The following LRFN5 variants were observed in gnomAD, a reference collection of about 807,000 sequenced individuals.
The protein encoded by LRFN5 is leucine-rich repeat and fibronectin type-III domain-containing protein 5.
LRFN5 carries 24 observed loss-of-function variants against 45.6 expected under a neutral mutation model. The ratio of observed to expected loss-of-function variants is 0.53; its 90% CI spans 0.38 to 0.74. LRFN5 has a LOEUF of 0.74. Ranked by LOEUF, LRFN5 falls within the 30% of genes least tolerant of loss-of-function variation. LRFN5 has a pLI of 0.00. For missense variants in LRFN5, 776 were observed against 861.5 expected (o/e 0.90, Z 1.24); for synonymous variants, 340 against 313.8 (o/e 1.08, Z -0.88).
intron 1 of LRFN5, among the ~76,000 whole-genome samples, chr14:41,693,659 C>T (rs1023074736): frequency 3.3e-5 from 5 of 151,786 alleles, no homozygotes; most frequent in African/African-American, 1.2e-4. Context: ...ACTTTGTATT[C>T]TGTGATTTTT....
At chr14:41,717,884 A>G (rs1395187613) in intron 1 of LRFN5, among the ~76,000 whole-genome samples, 2 of 152,276 alleles carry the variant, frequency 1.3e-5, no homozygotes, top group East Asian at 1.9e-4. Context: ...GCCAAAAGTT[A>G]CTAGACAGGT....
At chr14:41,697,969 A>C (rs562999986) in intron 1 of LRFN5, among the ~76,000 whole-genome samples, 2 of 152,084 alleles carry the variant, frequency 1.3e-5, no homozygotes, top group East Asian at 3.9e-4. Flanking sequence ...ATCAGTCAGG[A>C]GATTGGTACA....
In LRFN5 at chr14:41,781,593, AAAG is replaced by A. The variant is rs1428748628; in HGVS notation, c.-21+14567_-21+14569del. ...GAAAGAAAGAAAGAAAGAAAGAAAG[AAAG>A]AAAGAAAGAAAGAAAGAAAGAGAAA... On this transcript the variant is annotated intron_variant, in intron 2 of 5. Transcript: ENST00000298119. Among the ~76,000 whole-genome samples, 9 of 103,900 alleles carry A rather than the reference AAAG, an allele frequency of 8.7e-5. 1 individual carries two copies. The highest frequency in any genetic ancestry group is 1.8e-4 in the Non-Finnish European group (9 of 50,296). 68.2% of individuals were successfully genotyped at this position (103,900 alleles called of 152,430 possible). A position where few individuals can be genotyped will look rare whatever the true frequency, so the allele number is the denominator to read the frequency against.
At chr14:41,837,067 T>G (rs906523633) in intron 2 of LRFN5, among the ~76,000 whole-genome samples, 13 of 151,736 alleles carry the variant, frequency 8.6e-5, no homozygotes, top group African/African-American at 3.1e-4. Flanking sequence ...GGAAAGAAGG[T>G]CAAGCCAGAA....
chr14:41,790,894 C>G (rs1886896862), intron 2 of LRFN5, among the ~76,000 whole-genome samples: 1 of 151,668 alleles, frequency 6.6e-6, no homozygotes, highest in Non-Finnish European at 1.5e-5. Flanking sequence ...GCATTATGCA[C>G]TATACATTCA....
intron 2 of LRFN5, among the ~76,000 whole-genome samples, chr14:41,774,371 C>G (rs997204232): frequency 1.3e-5 from 2 of 152,138 alleles, no homozygotes; most frequent in Non-Finnish European, 2.9e-5. Context: ...TGAGGCATCT[C>G]TTATCAATAT....
rs370105187 is a variant in LRFN5, at chr14:41,831,875, G to A, written c.-20-54731G>A. Among the ~76,000 whole-genome samples, 62 of 152,212 alleles carry A rather than the reference G, an allele frequency of 4.1e-4. 2 individuals carry two copies. The East Asian group carries it at 8.7e-3, about 21-fold the overall frequency. ...CAATTCTGGAGGCTAGGAAGTTCAA[G>A]ATCAAGGTGCCCACAAGTTCAGTTC... On this transcript the variant is annotated intron_variant, in intron 2 of 5. Coordinates refer to ENST00000298119, the MANE Select transcript of LRFN5 (RefSeq NM_152447.5).
chr14:41,870,894 A>C (rs1404508798), intron 2 of LRFN5, among the ~76,000 whole-genome samples: 1 of 152,168 alleles, frequency 6.6e-6, no homozygotes, highest in Non-Finnish European at 1.5e-5. Flanking sequence ...ATGTTTTATT[A>C]TTATTTTTAA....
rs1365152030 is a variant in LRFN5 at position 41,840,802 on chromosome 14, A to G, written c.-20-45804A>G. On this transcript the variant is annotated intron_variant, in intron 2 of 5. Transcript: ENST00000298119. ...ATTTTTATCCAGTTAGCTCCTGTTGATATTAAATGATTTAATAATGTGGTA... is the reference window on the plus strand; with the variant it reads ...ATTTTTATCCAGTTAGCTCCTGTTGGTATTAAATGATTTAATAATGTGGTA... 3.9e-5 allele frequency among the ~76,000 whole-genome samples: 6 copies of G among 152,022 alleles called. No individual in the cohort carries two copies. The East Asian group carries it at 1.2e-3, about 29-fold the overall frequency.
chr14:41,712,436 C>T (rs764822559), intron 1 of LRFN5, among the ~76,000 whole-genome samples: 4 of 152,018 alleles, frequency 2.6e-5, no homozygotes, highest in African/African-American at 7.2e-5. Flanking sequence ...AAAGGTAAAA[C>T]GTTCTGAATT....
chr14:41,857,692 C>T (rs1889520046), intron 2 of LRFN5, among the ~76,000 whole-genome samples: 1 of 152,210 alleles, frequency 6.6e-6, no homozygotes, highest in Non-Finnish European at 1.5e-5. Flanking sequence ...GTTCATCACA[C>T]AATTTGGAGA....
chr14:41,839,825 T>A (rs1270855658), intron 2 of LRFN5, among the ~76,000 whole-genome samples: 2 of 152,082 alleles, frequency 1.3e-5, no homozygotes, highest in Non-Finnish European at 2.9e-5. Context: ...CTAATTCAAT[T>A]TCTAACCAGC....
intron 2 of LRFN5, among the ~76,000 whole-genome samples, chr14:41,867,350 A>G (rs1889874895): frequency 6.7e-6 from 1 of 148,914 alleles, no homozygotes; most frequent in African/African-American, 2.4e-5. Flanking sequence ...ATATGCACAC[A>G]TCTGTGTGTG....
At chr14:41,883,649 G>A (rs1025553012) in intron 2 of LRFN5, among the ~76,000 whole-genome samples, 4 of 152,038 alleles carry the variant, frequency 2.6e-5, no homozygotes, top group East Asian at 1.9e-4. Context: ...CTTTATTTAC[G>A]ATGAGAAGTC....
chr14:41,623,323 G>A (rs114800142), intron 1 of LRFN5, among the ~76,000 whole-genome samples: 2,815 of 152,068 alleles, frequency 0.019, 82 homozygotes, highest in African/African-American at 0.064. Flanking sequence ...TTGCTTTCCC[G>A]TAACTTTCCA....
rs773608812 is a variant in LRFN5, at chr14:41,887,067, G to A, written c.442G>A (p.Ala148Thr). The change falls in exon 3 of 6, where the codon GCC becomes ACC. Residue 148 changes from alanine (A) to threonine (T), a missense_variant. Transcript: ENST00000298119. The surrounding 1 kb of genome is among the most constrained non-coding windows in gnomAD (Gnocchi z 4.8). Reference protein sequence around the residue: ...ISSTAFDDVFALEELDLSYNN... With the variant: ...ISSTAFDDVFTLEELDLSYNN... ...CTCTACAGCGTTTGATGATGTCTTC[G>A]CCCTTGAGGAGCTGGATCTGTCCTA... 16 of 1,613,828 alleles carry A rather than the reference G, an allele frequency of 9.9e-6. No individual in the cohort carries two copies. The highest frequency in any genetic ancestry group is 6.7e-5 in the African/African-American group (5 of 74,880).
intron 1 of LRFN5, among the ~76,000 whole-genome samples, chr14:41,761,670 A>C (rs575851128): frequency 1.1e-3 from 173 of 152,258 alleles, no homozygotes; most frequent in African/African-American, 4.1e-3. Flanking sequence ...GATGTGCCAA[A>C]GTTGTCTTCA....
chr14:41,739,248 G>T (rs967692006), intron 1 of LRFN5, among the ~76,000 whole-genome samples: 3 of 152,120 alleles, frequency 2.0e-5, no homozygotes, highest in African/African-American at 4.8e-5. Context: ...AGCCAGGCAT[G>T]GTGGCATGTG....
intron 1 of LRFN5, among the ~76,000 whole-genome samples, chr14:41,672,909 A>G (rs984044625): frequency 3.8e-4 from 58 of 152,186 alleles, no homozygotes; most frequent in African/African-American, 1.3e-3. Flanking sequence ...AACTAAGAAT[A>G]TACAATTTAA....
Sources: allele counts gnomAD v4.1 joint callset (sites outside exome capture counted in the v4.1 genomes callset), GRCh38; gene constraint gnomAD v4.1.1; non-coding constraint Gnocchi (gnomAD v3.1); transcripts MANE v1.5; gene names NCBI Gene and HGNC (gene_info 2026-07-23, HGNC 2026-07-21).